Variants in LINGO2 observed in about 807,000 individuals in gnomAD.
LINGO2 encodes leucine-rich repeat and immunoglobulin-like domain-containing nogo receptor-interacting protein 2.
LINGO2 carries 14 observed loss-of-function variants against 30.6 expected under a neutral mutation model. The observed-to-expected ratio is 0.46, with a 90% CI of 0.30 to 0.72. The LOEUF (loss-of-function observed/expected upper bound fraction) is 0.72. Among genes scored for constraint, LINGO2 ranks in the 30% least tolerant of loss-of-function variants. The probability of loss-of-function intolerance (pLI) is 0.07; values close to 1 mark genes in which losing one functional copy is unlikely to be tolerated. For synonymous variants in LINGO2, 317 were observed against 288.5 expected (o/e 1.10, Z -1.00); for missense variants, 729 against 751.7 (o/e 0.97, Z 0.35).
chr9:28,502,711 G>T (rs1200542429), intron 1 of LINGO2, among the ~76,000 whole-genome samples: 1 of 152,020 alleles, frequency 6.6e-6, no homozygotes, highest in Non-Finnish European at 1.5e-5. Flanking sequence ...TTAATTAAAA[G>T]AATAATGCCA....
chr9:28,195,397 C>T lies in LINGO2; in HGVS notation c.-87+99811G>A, dbSNP rs527492353. 9.7e-5 allele frequency among the ~76,000 whole-genome samples: 12 copies of T among 123,832 alleles called. No homozygotes were observed. The South Asian group carries it at 1.1e-3, about 11-fold the overall frequency. The allele number at this position is 123,832 out of a possible 152,430, so 81.2% of individuals were successfully genotyped here. A position where few individuals can be genotyped will look rare whatever the true frequency, so the allele number is the denominator to read the frequency against. ...TAACAAGATGGTGAGCGACAAAAAG[C>T]GAAATAGAAAAATGTATAATTATAT... is the stretch of plus-strand genomic sequence containing the variant. On this transcript the variant is annotated intron_variant, in intron 4 of 5. Coordinates refer to ENST00000379992, the Ensembl canonical transcript of LINGO2.
chr9:28,163,153 G>C (rs1338657436), intron 4 of LINGO2, among the ~76,000 whole-genome samples: 2 of 152,050 alleles, frequency 1.3e-5, no homozygotes, highest in African/African-American at 4.8e-5. Flanking sequence ...GTTAATCAGA[G>C]GAGCAAGAAA....
At chr9:28,730,638 T>C in the LINGO2 span, among the ~76,000 whole-genome samples, 1 of 151,928 alleles carries the variant, frequency 6.6e-6, no homozygotes. Context: ...ATGGGCAAAA[T>C]ACATGAACAG....
rs150822729 is a variant in LINGO2 at position 28,480,373 on chromosome 9, T to C, written c.-364-4348A>G. The stretch of plus-strand genomic sequence containing the variant: ...ATATAAAGCATCTTAATTCTGATTA[T>C]GTTTGAAAGCCAGTTATTCAGAGAA... On this transcript the variant is annotated intron_variant, in intron 1 of 5. Transcript: ENST00000379992. Among the ~76,000 whole-genome samples, 10 of 152,202 alleles carry C rather than the reference T, an allele frequency of 6.6e-5. No homozygotes were observed. In the East Asian group the frequency reaches 1.5e-3, roughly 24 times the overall value.
chr9:28,747,181 G>A, the LINGO2 span, among the ~76,000 whole-genome samples: 19 of 152,084 alleles, frequency 1.2e-4, no homozygotes, highest in South Asian at 8.3e-4. Flanking sequence ...GATGAAGAGA[G>A]AGCAGAAGAA....
At chr9:28,999,243 T>TAAC in the LINGO2 span, among the ~76,000 whole-genome samples, 2 of 152,076 alleles carry the variant, frequency 1.3e-5, no homozygotes, top group Non-Finnish European at 2.9e-5. Context: ...AGCATAATGA[T>TAAC]AACTCTATCT....
intron 1 of LINGO2, among the ~76,000 whole-genome samples, chr9:28,509,546 TCAA>T (rs1820286586): frequency 1.3e-5 from 2 of 152,160 alleles, no homozygotes; most frequent in African/African-American, 4.8e-5. Flanking sequence ...TGTGCCCCTA[TCAA>T]AATTTGTATG....
chr9:28,059,440 C>T (rs1303092374), intron 4 of LINGO2, among the ~76,000 whole-genome samples: 3 of 152,042 alleles, frequency 2.0e-5, no homozygotes, highest in Admixed American at 6.6e-5. Flanking sequence ...TCCACCCGCA[C>T]GACTTGGTGT....
intron 4 of LINGO2, among the ~76,000 whole-genome samples, chr9:28,254,696 G>T (rs1010818926): frequency 2.6e-5 from 4 of 152,034 alleles, no homozygotes; most frequent in Non-Finnish European, 4.4e-5. Context: ...TTGGCTAGAA[G>T]ATAAAGTTTT....
At chr9:28,200,746 T>C (rs775801720) in intron 4 of LINGO2, among the ~76,000 whole-genome samples, 20 of 152,234 alleles carry the variant, frequency 1.3e-4, no homozygotes, top group Non-Finnish European at 2.9e-5. Flanking sequence ...CAGTCATCTA[T>C]GTCTTACCAC....
At chr9:28,863,193 C>T in the LINGO2 span, among the ~76,000 whole-genome samples, 1 of 151,990 alleles carries the variant, frequency 6.6e-6, no homozygotes, top group Non-Finnish European at 1.5e-5. Context: ...ACAATGATGT[C>T]TTCAAGCCCC....
chr9:28,756,554 T>C, the LINGO2 span, among the ~76,000 whole-genome samples: 3 of 151,968 alleles, frequency 2.0e-5, no homozygotes, highest in Non-Finnish European at 2.9e-5. Context: ...CAGAATGATA[T>C]TGTTTGGCTC....
At chr9:28,042,720 C>T (rs1341970909) in intron 4 of LINGO2, among the ~76,000 whole-genome samples, 1 of 152,146 alleles carries the variant, frequency 6.6e-6, no homozygotes, top group South Asian at 2.1e-4. Context: ...GTACTTGCTT[C>T]ATTCATGTTC....
At chr9:28,664,265 T>A (rs1242523690) in intron 1 of LINGO2, among the ~76,000 whole-genome samples, 3 of 152,142 alleles carry the variant, frequency 2.0e-5, no homozygotes, top group African/African-American at 7.2e-5. Context: ...CAGCCCACAG[T>A]ACTGCTTTTT....
At chr9:28,369,219 C>T (rs1474071955) in intron 3 of LINGO2, among the ~76,000 whole-genome samples, 1 of 152,186 alleles carries the variant, frequency 6.6e-6, no homozygotes, top group Non-Finnish European at 1.5e-5. Context: ...AACCTTCTGT[C>T]ATGCTACTAT....
At chr9:28,979,478 T>C in the LINGO2 span, among the ~76,000 whole-genome samples, 1 of 147,558 alleles carries the variant, frequency 6.8e-6, no homozygotes, top group South Asian at 2.2e-4. Flanking sequence ...TATAGGAATA[T>C]ATGTTTTGTA....
At chr9:28,064,796 A>G (rs990804574) in intron 4 of LINGO2, among the ~76,000 whole-genome samples, 2 of 151,812 alleles carry the variant, frequency 1.3e-5, no homozygotes, top group Non-Finnish European at 2.9e-5. Flanking sequence ...ACAAAACCAA[A>G]CCTGGTGCCT....
chr9:28,682,645 G>A, the LINGO2 span, among the ~76,000 whole-genome samples: 1 of 152,078 alleles, frequency 6.6e-6, no homozygotes, highest in East Asian at 1.9e-4. Context: ...GCAGCAATAT[G>A]ATTTGAAATT....
chr9:28,471,461 C>CTTAATAAT (rs1417460352), intron 2 of LINGO2, among the ~76,000 whole-genome samples: 13 of 152,176 alleles, frequency 8.5e-5, no homozygotes, highest in African/African-American at 2.4e-4. Context: ...GCATTATTCT[C>CTTAATAAT]TCTCAGTGAC....
Sources: gnomAD v4.1 joint callset for allele counts (sites outside exome capture counted in the v4.1 genomes callset) on GRCh38, gnomAD v4.1.1 for gene constraint, MANE v1.5 for transcripts, NCBI Gene and HGNC (gene_info 2026-07-23, HGNC 2026-07-21) for gene names.